Variants in BABAM1 observed in about 807,000 individuals in gnomAD.
BABAM1 encodes the protein BRISC and BRCA1-A complex member 1.
A neutral mutation model predicts 34.4 loss-of-function variants in BABAM1; 14 were observed. The ratio of observed to expected loss-of-function variants is 0.41; its 90% CI spans 0.27 to 0.64. The LOEUF is 0.64. Ranked by LOEUF, BABAM1 falls within the 30% of genes least tolerant of loss-of-function variation. The pLI, the probability that BABAM1 is intolerant of heterozygous loss-of-function variation, is 0.34. For synonymous variants in BABAM1, 169 were observed against 165.8 expected (o/e 1.02, Z -0.15); for missense variants, 393 against 434.0 (o/e 0.91, Z 0.84).
At chr19:17,275,356 T>C (rs1405864995) in intron 5 of BABAM1, among the ~76,000 whole-genome samples, 1 of 151,932 alleles carries the variant, frequency 6.6e-6, no homozygotes, top group Non-Finnish European at 1.5e-5. Flanking sequence ...AGTGGCACGA[T>C]CTTGGCTCAC....
At position 17,276,516 on chromosome 19, in the gene BABAM1, G is replaced by T. The variant is rs546323439; in HGVS notation, c.591G>T (p.Pro197=). Residue 197 remains proline, a synonymous_variant, in exon 7 of 9, where the codon CCG becomes CCT. Transcript: ENST00000598188. ...GCAGCCAGCAGAAAACTGAGCTTCCGGTCACAGAGAACGTGCAGACGATTC... is the reference window on the plus strand; with the variant it reads ...GCAGCCAGCAGAAAACTGAGCTTCCTGTCACAGAGAACGTGCAGACGATTC... The part of the protein sequence containing the change: ...FSLIQQKTEL[P]VTENVQTIPP... The T allele has an allele frequency of 1.3e-5, 21 of 1,594,590 alleles. No homozygotes were observed. In the South Asian group the frequency reaches 2.4e-4, roughly 18 times the overall value.
chr19:17,275,342 G>A (rs1052854582), intron 5 of BABAM1, among the ~76,000 whole-genome samples: 1 of 151,892 alleles, frequency 6.6e-6, no homozygotes, highest in Non-Finnish European at 1.5e-5. Flanking sequence ...CCAGGCTGGA[G>A]TGCAGTGGCA....
At chr19:17,271,500 G>A in intron 2 of BABAM1, 97 bp from the exon 3 acceptor site, 1 of 1,375,218 alleles carries the variant, frequency 7.3e-7, no homozygotes, top group Middle Eastern at 1.8e-4. Context: ...TCACCATACT[G>A]CCTTTTCAGA....
At position 17,276,594 on chromosome 19, in the gene BABAM1, G is replaced by C; in HGVS notation, c.669G>C (p.Gln223His). Reference protein sequence around the residue: ...TILVYSRPPCQPQFSLTEPMK... With the variant: ...TILVYSRPPCHPQFSLTEPMK... ...TTGTCTACAGCCGTCCACCTTGCCA[G>C]CCCCAGTTCTCCTTGACGGAGCCCA... Residue 223 changes from glutamine (Q) to histidine (H), a missense_variant, in exon 7 of 9, where the codon CAG becomes CAC. Coordinates refer to ENST00000598188, the MANE Select transcript of BABAM1 (RefSeq NM_014173.4). 6.2e-7 allele frequency: 1 copy of C among 1,606,630 alleles called. No homozygotes were observed. Among genetic ancestry groups the C allele is most frequent in the South Asian group, 1.1e-5 (1 of 89,348 alleles).
Position 17,268,987 on chromosome 19 carries a change from G to A in BABAM1, c.181G>A (p.Gly61Arg). 3 of 1,581,798 alleles carry A rather than the reference G, an allele frequency of 1.9e-6. No individual in the cohort carries two copies. Among genetic ancestry groups the A allele is most frequent in the Non-Finnish European group, 1.7e-6 (2 of 1,164,936 alleles). The change falls in exon 2 of 9, where the codon GGG (glycine) becomes AGG (arginine). Residue 61 changes from glycine to arginine, a missense_variant. Physicochemically the swap from Gly to Arg is moderately radical, Grantham distance 125. Transcript: ENST00000598188. The part of the protein sequence containing the change: ...GEGEAASADD[G>R]SLNTSGAGPK... The stretch of plus-strand genomic sequence containing the variant: ...GGGTGAGGCCGCCAGTGCTGATGAT[G>A]GGAGCCTCAACACTTCAGGAGCCGG...
chr19:17,273,564 G>GTTTTTTTTTTTTTTTTTTTTTTTTTTT (rs754203595), intron 3 of BABAM1, among the ~76,000 whole-genome samples: 6 of 45,938 alleles, frequency 1.3e-4, no homozygotes, highest in Admixed American at 2.5e-4. Flanking sequence ...TGTTTGTTTT[G>GTTTTTTTTTTTTTTTTTTTTTTTTTTT]TTTTTTTTTT....
chr19:17,267,517 G>A lies in BABAM1; in HGVS notation c.-24G>A, dbSNP rs1485750249. 1.3e-5 allele frequency: 2 copies of A among 152,348 alleles called. No individual in the cohort carries two copies. The highest frequency in any genetic ancestry group is 3.8e-4 in the East Asian group (2 of 5,196). 9.4% of individuals were successfully genotyped at this position (152,348 alleles called of 1,614,324 possible). A position where few individuals can be genotyped will look rare whatever the true frequency, so the allele number is the denominator to read the frequency against. On this transcript the variant is annotated 5_prime_UTR_variant, in exon 1 of 9. The change creates a new upstream start codon in the 5' untranslated region. Coordinates refer to ENST00000598188, the MANE Select transcript of BABAM1 (RefSeq NM_014173.4). The stretch of plus-strand genomic sequence containing the variant: ...GATTTAGAAGGAGGTTCAGGCTACG[G>A]TGAGCCGAAGGTGGGTGGTGAAAGC...
At chr19:17,274,770 CAT>C (rs943929058) in intron 5 of BABAM1, among the ~76,000 whole-genome samples, 31 of 152,034 alleles carry the variant, frequency 2.0e-4, no homozygotes, top group African/African-American at 7.0e-4. Flanking sequence ...ATAAAAGGCT[CAT>C]GTGTGGCCCA....
At chr19:17,269,348 C>CTTTTT (rs71334696) in intron 2 of BABAM1, among the ~76,000 whole-genome samples, 4 of 123,050 alleles carry the variant, frequency 3.3e-5, no homozygotes, top group Non-Finnish European at 5.0e-5. Flanking sequence ...TTTTGTCTGT[C>CTTTTT]TTTTTTTTTT....
intron 3 of BABAM1, among the ~76,000 whole-genome samples, 185 bp from the exon 4 acceptor site, chr19:17,273,719 C>G (rs373668352): frequency 6.6e-6 from 1 of 151,792 alleles, no homozygotes; most frequent in Non-Finnish European, 1.5e-5. Flanking sequence ...CTCGCCACCA[C>G]GCCTGGCTAA....
chr19:17,276,980 G>A, intron 8 of BABAM1, 71 bp downstream of exon 8: 1 of 1,403,758 alleles, frequency 7.1e-7, no homozygotes, highest in Admixed American at 2.0e-5. Flanking sequence ...CCTGCACTGG[G>A]TCTGGGGGTC....
intron 2 of BABAM1, among the ~76,000 whole-genome samples, chr19:17,270,300 A>G (rs1034727837): frequency 4.0e-5 from 6 of 151,546 alleles, no homozygotes; most frequent in Admixed American, 1.3e-4. Flanking sequence ...CACCCACCTC[A>G]GCCTCCCAAA....
chr19:17,274,221 G>A (rs762582421), intron 5 of BABAM1, 36 bp downstream of exon 5: 3 of 1,602,642 alleles, frequency 1.9e-6, no homozygotes, highest in Non-Finnish European at 2.6e-6. Context: ...CATGAAGGGG[G>A]CTGTCTCCTT....
At chr19:17,272,102 G>A (rs909948806) in intron 3 of BABAM1, among the ~76,000 whole-genome samples, 6 of 151,930 alleles carry the variant, frequency 3.9e-5, no homozygotes, top group Admixed American at 1.3e-4. Context: ...CACCATGCCC[G>A]TTTAATTTTT....
At position 17,274,091 on chromosome 19, in the gene BABAM1, C is replaced by T. The variant is rs760527585; in HGVS notation, c.466-16C>T. The T allele has an allele frequency of 1.9e-6, 3 of 1,613,752 alleles. No homozygotes were observed. The highest frequency in any genetic ancestry group is 2.2e-5 in the East Asian group (1 of 44,878). On this transcript the variant is annotated splice_polypyrimidine_tract_variant and intron_variant, in intron 4 of 8. Transcript: ENST00000598188. ...GGCCCGGGGAGCATCGCACTGAGGC[C>T]TCTGCTTCCCTGCAGCTGTCTGGCC...
At chr19:17,278,159 G>A (rs189682265) in intron 8 of BABAM1, among the ~76,000 whole-genome samples, 241 of 151,978 alleles carry the variant, frequency 1.6e-3, no homozygotes, top group African/African-American at 5.6e-3. Context: ...GGGAACAACA[G>A]CGAAACCCTG....
At chr19:17,271,695 C>T in intron 3 of BABAM1, 40 bp downstream of exon 3, 2 of 1,602,844 alleles carry the variant, frequency 1.2e-6, no homozygotes, top group Non-Finnish European at 1.7e-6. Flanking sequence ...GCAGCCATGG[C>T]AGGGAGGGTC....
chr19:17,275,536 C>T (rs1028132200), intron 5 of BABAM1, among the ~76,000 whole-genome samples: 31 of 152,150 alleles, frequency 2.0e-4, no homozygotes, highest in African/African-American at 7.0e-4. Context: ...ATGGTCCACC[C>T]GCCTTGGCCT....
chr19:17,278,790 T>A, intron 8 of BABAM1, 55 bp from the exon 9 acceptor site: 1 of 1,522,034 alleles, frequency 6.6e-7, no homozygotes, highest in East Asian at 2.4e-5. Flanking sequence ...ATGAAGGGCC[T>A]GTTGGGGTAA....
Sources: allele counts gnomAD v4.1 joint callset (sites outside exome capture counted in the v4.1 genomes callset), GRCh38; gene constraint gnomAD v4.1.1; transcripts MANE v1.5; gene names NCBI Gene and HGNC (gene_info 2026-07-23, HGNC 2026-07-21).